DSCAM: variants seen among roughly 807,000 people sequenced by gnomAD.
DSCAM encodes the protein DS cell adhesion molecule, also known as cell adhesion molecule DSCAM.
A neutral mutation model predicts 217.7 loss-of-function variants in DSCAM; 47 were observed. The ratio of observed to expected loss-of-function variants is 0.22; its 90% CI spans 0.17 to 0.28. DSCAM has a LOEUF of 0.28. DSCAM is among the 10% of genes least tolerant of loss of function. The pLI is 1.00. For synonymous variants in DSCAM, 1,056 were observed against 1,015.3 expected, an observed-to-expected ratio of 1.04 and a Z score of -0.76; for missense variants, 2,080 against 2,618.3, an observed-to-expected ratio of 0.79 and a Z score of 4.49.
At chr21:40,319,368 G>A (rs1327908536) in intron 8 of DSCAM, among the ~76,000 whole-genome samples, 3 of 152,180 alleles carry the variant, frequency 2.0e-5, no homozygotes, top group Non-Finnish European at 2.9e-5. Context: ...TTCAGAAAGT[G>A]TCAAGGCACT....
chr21:40,432,527 T>A (rs1026046944), intron 3 of DSCAM, among the ~76,000 whole-genome samples: 1 of 152,172 alleles, frequency 6.6e-6, no homozygotes, highest in Non-Finnish European at 1.5e-5. Flanking sequence ...TTTAATCACA[T>A]CTATAAAGTC....
intron 32 of DSCAM, among the ~76,000 whole-genome samples, chr21:40,021,375 G>A (rs1181300337): frequency 6.6e-6 from 1 of 152,130 alleles, no homozygotes; most frequent in Non-Finnish European, 1.5e-5. Context: ...TGAGTACTAT[G>A]AGAATAAATG....
At chr21:40,319,891 C>T (rs1450786830) in intron 8 of DSCAM, among the ~76,000 whole-genome samples, 1 of 152,150 alleles carries the variant, frequency 6.6e-6, no homozygotes, top group Non-Finnish European at 1.5e-5. Flanking sequence ...GAGATCATGT[C>T]CTTTGCAGGG....
rs1469954002 is a variant in DSCAM, at chr21:40,347,780, T to C, written c.1100A>G (p.His367Arg). The change falls in exon 6 of 33, where the codon CAC becomes CGC. Residue 367 changes from histidine to arginine, a missense_variant. By Grantham distance (29) the His-to-Arg change is conservative. Around this residue, in one of 5 missense-constraint regions of DSCAM, gnomAD observed 568 missense variants for 678.1 expected, o/e 0.84. Coordinates refer to ENST00000400454, the MANE Select transcript of DSCAM (RefSeq NM_001389.5). ...GKNVRITGIN[H>R]ENLIMDHMVK... ...CATGTGATCCATTATAAGGTTTTCG[T>C]GGTTGATCCCTGTGATCCTCACATT... The C allele has an allele frequency of 3.1e-6, 5 of 1,614,098 alleles. No homozygotes were observed. In the African/African-American group the frequency reaches 5.3e-5, roughly 17 times the overall value.
At chr21:40,794,909 A>C (rs1480019485) in intron 1 of DSCAM, among the ~76,000 whole-genome samples, 1 of 142,332 alleles carries the variant, frequency 7.0e-6, no homozygotes, top group Non-Finnish European at 1.5e-5. Flanking sequence ...AGTACCTCTT[A>C]GTAAAGTGAA....
At chr21:40,411,291 G>T (rs1250367978) in intron 3 of DSCAM, among the ~76,000 whole-genome samples, 4 of 151,734 alleles carry the variant, frequency 2.6e-5, no homozygotes, top group African/African-American at 9.7e-5. Context: ...GCCACGAATG[G>T]AGACAAAATA....
chr21:40,844,512 C>T (rs2092128881), intron 1 of DSCAM, among the ~76,000 whole-genome samples: 1 of 152,100 alleles, frequency 6.6e-6, no homozygotes, highest in African/African-American at 2.4e-5. Flanking sequence ...GTGGAATCTA[C>T]CTATATTTAT....
chr21:40,306,345 G>A (rs934360937), intron 9 of DSCAM, among the ~76,000 whole-genome samples: 1 of 151,020 alleles, frequency 6.6e-6, no homozygotes, highest in Admixed American at 6.6e-5. Context: ...ATTTTGGGCT[G>A]AGACGATGGG....
chr21:40,144,610 T>C lies in DSCAM; in HGVS notation c.3140A>G (p.Glu1047Gly). Residue 1047 changes from glutamate (E) to glycine (G), a missense_variant, in exon 17 of 33, where the codon GAG becomes GGG. Coordinates refer to ENST00000400454, the MANE Select transcript of DSCAM (RefSeq NM_001389.5). The surrounding 1 kb of genome is among the most constrained non-coding windows in gnomAD (Gnocchi z 4.8). ...IISVDTSGDS[E>G]VYTLDNLNKF... is the part of the protein sequence containing the mutation. ...ATTCAGGTTGTCCAGGGTGTAAACC[T>C]CACTGTCCCCGCTGGTGTCGACACT... 6.2e-7 allele frequency: 1 copy of C among 1,614,138 alleles called. No homozygotes were observed. The highest frequency in any genetic ancestry group is 8.5e-7 in the Non-Finnish European group (1 of 1,180,032).
At chr21:40,842,503 A>T (rs577857055) in intron 1 of DSCAM, among the ~76,000 whole-genome samples, 2 of 152,326 alleles carry the variant, frequency 1.3e-5, no homozygotes, top group East Asian at 3.9e-4. Context: ...CATCCACTTG[A>T]TAAACCCATC....
chr21:40,244,299 A>C (rs2146947962), intron 11 of DSCAM, among the ~76,000 whole-genome samples: 1 of 152,160 alleles, frequency 6.6e-6, no homozygotes, highest in South Asian at 2.1e-4. Flanking sequence ...AAAAATACAA[A>C]AATTAGCTGG....
intron 3 of DSCAM, among the ~76,000 whole-genome samples, chr21:40,387,647 A>G (rs2075098821): frequency 6.6e-6 from 1 of 152,216 alleles, no homozygotes; most frequent in South Asian, 2.1e-4. Flanking sequence ...TTGAGCTTCC[A>G]GTACCAAACC....
At chr21:40,215,225 C>CAAAAAAAAAAAA (rs1162761613) in intron 11 of DSCAM, among the ~76,000 whole-genome samples, 2 of 5,480 alleles carry the variant, frequency 3.6e-4, no homozygotes, top group African/African-American at 8.5e-4. Flanking sequence ...GACTCCGTCT[C>CAAAAAAAAAAAA]AAAAAAAAAA....
chr21:40,843,370 G>A (rs1184750607), intron 1 of DSCAM, among the ~76,000 whole-genome samples: 3 of 35,188 alleles, frequency 8.5e-5, no homozygotes, highest in East Asian at 8.5e-4. Context: ...ATGCATGCAT[G>A]TGTGTGTGTG....
At chr21:40,145,897 A>G (rs2090349431) in intron 16 of DSCAM, among the ~76,000 whole-genome samples, 1 of 151,756 alleles carries the variant, frequency 6.6e-6, no homozygotes, top group Non-Finnish European at 1.5e-5. Flanking sequence ...CTAGGGAATA[A>G]AGGTTTTGTA....
chr21:40,151,384 C>T (rs144509295), intron 16 of DSCAM, among the ~76,000 whole-genome samples: 1 of 152,142 alleles, frequency 6.6e-6, no homozygotes, highest in African/African-American at 2.4e-5. Flanking sequence ...ATCACTTCTA[C>T]CTCCTCTAGT....
intron 3 of DSCAM, among the ~76,000 whole-genome samples, chr21:40,585,419 C>CAAAAAAAAA (rs71186946): frequency 3.4e-5 from 3 of 86,974 alleles, no homozygotes; most frequent in African/African-American, 8.0e-5. Flanking sequence ...GACTCCGTCT[C>CAAAAAAAAA]AAAAAAAAAA....
chr21:40,177,468 G>A (rs1183941480), intron 15 of DSCAM, among the ~76,000 whole-genome samples: 4 of 152,154 alleles, frequency 2.6e-5, no homozygotes, highest in Non-Finnish European at 5.9e-5. Flanking sequence ...TTCCAGCATT[G>A]AAAAATGGGC....
intron 1 of DSCAM, among the ~76,000 whole-genome samples, chr21:40,759,109 G>C (rs2091304854): frequency 6.6e-6 from 1 of 152,090 alleles, no homozygotes. Context: ...GTAGAGAGAA[G>C]GGACACATAG....
Sources: gnomAD v4.1 joint callset for allele counts (sites outside exome capture counted in the v4.1 genomes callset) on GRCh38, gnomAD v4.1.1 for gene constraint, gnomAD v4.1.1 regional missense constraint, Gnocchi (gnomAD v3.1) non-coding constraint, MANE v1.5 for transcripts, NCBI Gene and HGNC (gene_info 2026-07-23, HGNC 2026-07-21) for gene names.